Variants in MYO10 observed in about 807,000 individuals in gnomAD.
The protein encoded by MYO10 is myosin X.
Under a neutral mutation model 257.3 loss-of-function variants are expected in MYO10, and 133 were observed. The observed-to-expected ratio is 0.52, with a 90% CI of 0.45 to 0.60. MYO10 has a LOEUF of 0.60. Ranked by LOEUF, MYO10 falls within the 20% of genes least tolerant of loss-of-function variation. MYO10 has a pLI of 0.00. For synonymous variants in MYO10, 1,104 were observed against 1,028.6 expected (o/e 1.07, Z -1.40); for missense variants, 2,399 against 2,635.7 (o/e 0.91, Z 1.97).
rs1326274561 is a variant in MYO10 at position 16,666,167 on chromosome 5, G to C, written c.*525C>G. On this transcript the variant is annotated 3_prime_UTR_variant, in exon 41 of 41. Coordinates refer to ENST00000513610, the MANE Select transcript of MYO10 (RefSeq NM_012334.3). ...TTGATTCATGTCATTCCATGAGAAA[G>C]GCTGCCCGCAGCACTCCAGCTCAAA... The C allele has an allele frequency of 6.5e-6, 1 of 153,330 alleles. No homozygotes were observed. Among genetic ancestry groups the C allele is most frequent in the African/African-American group, 2.4e-5 (1 of 41,472 alleles). 9.5% of individuals were successfully genotyped at this position (153,330 alleles called of 1,614,324 possible).
In MYO10 at chr5:16,665,301, G is replaced by A. The variant is rs907511480; in HGVS notation, c.*1391C>T. On this transcript the variant is annotated 3_prime_UTR_variant, in exon 41 of 41. Transcript: ENST00000513610. ...CTCTGATAAAGGAAACACACAGCGT[G>A]TTAGCTAGTATCTTTTATTGTCAGA... The A allele has an allele frequency of 2.0e-5, 3 of 152,066 alleles. No individual in the cohort carries two copies. The highest frequency in any genetic ancestry group is 7.2e-5 in the African/African-American group (3 of 41,396). 9.4% of individuals were successfully genotyped at this position (152,066 alleles called of 1,614,324 possible). A position where few individuals can be genotyped will look rare whatever the true frequency, so the allele number is the denominator to read the frequency against.
intron 17 of MYO10, 74 bp downstream of exon 17, chr5:16,761,390 A>G: frequency 6.7e-6 from 8 of 1,193,212 alleles, no homozygotes; most frequent in Non-Finnish European, 9.9e-6. Context: ...TTTGTTCTAT[A>G]TTTGTGAATT....
At chr5:16,899,320 T>C (rs1745309233) in intron 1 of MYO10, among the ~76,000 whole-genome samples, 1 of 151,814 alleles carries the variant, frequency 6.6e-6, no homozygotes, top group Non-Finnish European at 1.5e-5. Flanking sequence ...CAGAAAAATA[T>C]TTTTCCCTAC....
In MYO10 at chr5:16,670,604, G is replaced by T. The variant is rs1736403080; in HGVS notation, c.5805C>A (p.Asn1935Lys). The T allele has an allele frequency of 1.2e-6, 2 of 1,613,836 alleles. No individual in the cohort carries two copies. Among genetic ancestry groups the T allele is most frequent in the Non-Finnish European group, 1.7e-6 (2 of 1,179,898 alleles). The part of the protein sequence containing the change: ...IDKWRKFQGM[N>K]QEQAMAKYMA... ...TGTACTTGGCCATGGCCTGTTCCTG[G>T]TTCATTCCCTGAAATTTCCTCCACT... The change falls in exon 39 of 41, where the codon AAC becomes AAA. Residue 1935 changes from asparagine to lysine, a missense_variant. Around this residue, in one of 3 missense-constraint regions of MYO10, gnomAD observed 1,820 missense variants for 1,939.4 expected, o/e 0.94. Coordinates refer to ENST00000513610, the MANE Select transcript of MYO10 (RefSeq NM_012334.3).
chr5:16,737,370 G>A (rs965797610), intron 19 of MYO10, among the ~76,000 whole-genome samples: 2 of 152,192 alleles, frequency 1.3e-5, no homozygotes, highest in African/African-American at 4.8e-5. Context: ...TGAGACAGTG[G>A]CTAGCACAGA....
At chr5:16,860,502 C>CA (rs955649300) in intron 2 of MYO10, among the ~76,000 whole-genome samples, 1 of 152,030 alleles carries the variant, frequency 6.6e-6, no homozygotes, top group African/African-American at 2.4e-5. Flanking sequence ...TGAAATGAGT[C>CA]AAAAAACCCT....
intron 1 of MYO10, among the ~76,000 whole-genome samples, chr5:16,898,854 T>C (rs187623218): frequency 1.3e-5 from 2 of 151,614 alleles, no homozygotes; most frequent in Non-Finnish European, 2.9e-5. Context: ...AGAGATGTAA[T>C]TCAGTAGGCA....
chr5:16,901,972 G>T (rs1745390705), intron 1 of MYO10, among the ~76,000 whole-genome samples: 1 of 152,222 alleles, frequency 6.6e-6, no homozygotes, highest in South Asian at 2.1e-4. Flanking sequence ...GTACACAAAA[G>T]TATTTTCCAG....
intron 2 of MYO10, among the ~76,000 whole-genome samples, chr5:16,864,976 T>C (rs748156948): frequency 3.3e-5 from 5 of 152,198 alleles, no homozygotes; most frequent in Non-Finnish European, 5.9e-5. Context: ...TAAGGAACTC[T>C]GTAGGCTGGT....
chr5:16,905,953 G>GA (rs1323819976), intron 1 of MYO10, among the ~76,000 whole-genome samples: 1 of 151,700 alleles, frequency 6.6e-6, no homozygotes, highest in East Asian at 1.9e-4. Flanking sequence ...ATGGCAAGTT[G>GA]AAAAAAAGAA....
chr5:16,729,821 G>A (rs949322324), intron 19 of MYO10, among the ~76,000 whole-genome samples: 6 of 152,028 alleles, frequency 3.9e-5, no homozygotes, highest in African/African-American at 1.4e-4. Context: ...CCAACCCTAC[G>A]AACTCATCCA....
chr5:16,856,549 C>CA (rs879811857), intron 2 of MYO10, among the ~76,000 whole-genome samples: 1,523 of 124,146 alleles, frequency 0.012, 21 homozygotes, highest in Middle Eastern at 0.03. Flanking sequence ...GACTGTGTCT[C>CA]AAAAAAAAAA....
rs61649363 is a variant in MYO10 at position 16,706,136 on chromosome 5, T to A, written c.2170-1451A>T. Among the ~76,000 whole-genome samples, 1,407 of 152,190 alleles carry A rather than the reference T, an allele frequency of 9.2e-3. 26 individuals carry two copies. The highest frequency in any genetic ancestry group is 0.033 in the African/African-American group (1,362 of 41,528). The stretch of plus-strand genomic sequence containing the variant: ...AGGCAGAGGTTGCAGTGAGCCAAGA[T>A]CATGCTGCTGCACTCCAGCCTGGGC... On this transcript the variant is annotated intron_variant, in intron 21 of 40. Coordinates refer to ENST00000513610, the MANE Select transcript of MYO10 (RefSeq NM_012334.3).
intron 1 of MYO10, among the ~76,000 whole-genome samples, chr5:16,913,806 G>A (rs1745739226): frequency 6.6e-6 from 1 of 152,118 alleles, no homozygotes; most frequent in Non-Finnish European, 1.5e-5. Flanking sequence ...AAGAACAACA[G>A]GCCAGGCAAA....
At chr5:16,850,964 T>G (rs1197011266) in intron 2 of MYO10, among the ~76,000 whole-genome samples, 2 of 151,972 alleles carry the variant, frequency 1.3e-5, no homozygotes, top group Admixed American at 1.3e-4. Flanking sequence ...CCAGCTCATT[T>G]TTGTATTTTT....
intron 2 of MYO10, among the ~76,000 whole-genome samples, chr5:16,871,377 G>A (rs1247144556): frequency 6.6e-6 from 1 of 152,182 alleles, no homozygotes; most frequent in African/African-American, 2.4e-5. Flanking sequence ...CACTTTGGGA[G>A]GCCAAGGCAG....
intron 18 of MYO10, among the ~76,000 whole-genome samples, chr5:16,757,021 A>C (rs1740547328): frequency 6.7e-6 from 1 of 149,282 alleles, no homozygotes; most frequent in Non-Finnish European, 1.5e-5. Flanking sequence ...TGGGAGGCTG[A>C]GGCAGAAGAA....
At chr5:16,697,545 C>CA (rs1737810149) in intron 26 of MYO10, among the ~76,000 whole-genome samples, 1 of 152,024 alleles carries the variant, frequency 6.6e-6, no homozygotes, top group Admixed American at 6.6e-5. Flanking sequence ...ACTAAAAATA[C>CA]AAAAATTAGC....
chr5:16,829,451 T>C (rs1337070682), intron 2 of MYO10, among the ~76,000 whole-genome samples: 1 of 152,142 alleles, frequency 6.6e-6, no homozygotes, highest in Non-Finnish European at 1.5e-5. Context: ...CTGAATCCTC[T>C]TGAGGAGCAA....
Sources: allele counts gnomAD v4.1 joint callset (sites outside exome capture counted in the v4.1 genomes callset), GRCh38; gene constraint gnomAD v4.1.1; regional missense constraint gnomAD v4.1.1; transcripts MANE v1.5; gene names NCBI Gene and HGNC (gene_info 2026-07-23, HGNC 2026-07-21).